Variants in IFT43 observed in about 807,000 individuals in gnomAD.
IFT43 encodes intraflagellar transport protein 43 homolog.
Under a neutral mutation model 32.3 loss-of-function variants are expected in IFT43, and 33 were observed. The ratio of observed to expected loss-of-function variants is 1.02; its 90% CI spans 0.77 to 1.37. IFT43 has a LOEUF of 1.37. IFT43 is among the 40% of genes most tolerant of loss of function. The pLI is 0.00. For synonymous variants in IFT43, 93 were observed against 98.2 expected (o/e 0.95, Z 0.31); for missense variants, 274 against 265.9 (o/e 1.03, Z -0.21).
At chr14:76,026,695 G>A (rs1292894857) in intron 3 of IFT43, among the ~76,000 whole-genome samples, 4 of 152,110 alleles carry the variant, frequency 2.6e-5, no homozygotes, top group Non-Finnish European at 5.9e-5. Context: ...AAGACCTAGA[G>A]ACAGAAATAC....
intron 2 of IFT43, among the ~76,000 whole-genome samples, chr14:75,999,281 A>ATATTTTTT (rs1566699821): frequency 1.0e-4 from 4 of 39,064 alleles, no homozygotes; most frequent in South Asian, 9.4e-4. Flanking sequence ...ATGTATATAT[A>ATATTTTTT]TTTTTTTTTT....
At chr14:76,062,270 C>T (rs907897124) in intron 5 of IFT43, among the ~76,000 whole-genome samples, 1 of 151,912 alleles carries the variant, frequency 6.6e-6, no homozygotes, top group Non-Finnish European at 1.5e-5. Flanking sequence ...CAGGGTTTCA[C>T]CATGTTAGCC....
intron 2 of IFT43, among the ~76,000 whole-genome samples, chr14:76,004,037 A>C (rs137927525): frequency 6.6e-6 from 1 of 152,172 alleles, no homozygotes; most frequent in South Asian, 2.1e-4. Context: ...CGGCCTCCCA[A>C]AGTGCTGGGA....
intron 2 of IFT43, among the ~76,000 whole-genome samples, chr14:76,013,490 G>A (rs866761471): frequency 3.3e-5 from 5 of 152,206 alleles, no homozygotes; most frequent in South Asian, 2.1e-4. Flanking sequence ...CTAGGTGTGC[G>A]TCCTGTGTTT....
chr14:76,054,157 T>C (rs1896903937), intron 3 of IFT43, among the ~76,000 whole-genome samples: 1 of 152,214 alleles, frequency 6.6e-6, no homozygotes. Flanking sequence ...TGGAAGTTAC[T>C]ACCTCAGGGA....
chr14:76,005,095 TTC>T (rs1248853060), intron 2 of IFT43, among the ~76,000 whole-genome samples: 5 of 152,244 alleles, frequency 3.3e-5, no homozygotes. Context: ...CTATTTTTTC[TTC>T]TGACTATAGA....
intron 3 of IFT43, among the ~76,000 whole-genome samples, chr14:76,050,273 C>T (rs544798975): frequency 2.8e-4 from 42 of 152,312 alleles, no homozygotes; most frequent in Middle Eastern, 3.4e-3. Flanking sequence ...GGATTGTGAA[C>T]CTCAGTTTCC....
intron 2 of IFT43, among the ~76,000 whole-genome samples, chr14:76,016,995 G>T (rs552823240): frequency 2.0e-4 from 31 of 152,206 alleles, no homozygotes; most frequent in African/African-American, 7.2e-4. Flanking sequence ...TCTGCAAAGA[G>T]GGACAATTTC....
At chr14:76,044,138 CT>C (rs2036759673) in intron 3 of IFT43, among the ~76,000 whole-genome samples, 1 of 151,926 alleles carries the variant, frequency 6.6e-6, no homozygotes, top group South Asian at 2.1e-4. Flanking sequence ...TAACCTCCAC[CT>C]TCCGCCCTAT....
intron 3 of IFT43, among the ~76,000 whole-genome samples, chr14:76,024,337 T>A (rs1429240307): frequency 1.3e-5 from 2 of 152,224 alleles, no homozygotes; most frequent in African/African-American, 4.8e-5. Flanking sequence ...CTGGCAGAAT[T>A]TTCATGCTAA....
chr14:76,082,609 T>A lies in IFT43; in HGVS notation c.369-8T>A. 3.1e-6 allele frequency: 5 copies of A among 1,614,150 alleles called. No individual in the cohort carries two copies. The highest frequency in any genetic ancestry group is 4.2e-6 in the Non-Finnish European group (5 of 1,180,032). ...GGGTTCCCGCCTCTCGCTCTCTCTT[T>A]CCTTCAGCATCCAGATAAAGCGGGT... On this transcript the variant is annotated splice_region_variant and splice_polypyrimidine_tract_variant and intron_variant, in intron 6 of 8. Transcript: ENST00000314067.
chr14:76,025,991 C>G (rs1454668549), intron 3 of IFT43, among the ~76,000 whole-genome samples: 1 of 152,178 alleles, frequency 6.6e-6, no homozygotes, highest in East Asian at 1.9e-4. Flanking sequence ...GCAAAGGAAA[C>G]TGTCAACAGA....
intron 2 of IFT43, among the ~76,000 whole-genome samples, chr14:76,000,564 G>A (rs942528171): frequency 6.6e-6 from 1 of 152,016 alleles, no homozygotes; most frequent in Non-Finnish European, 1.5e-5. Flanking sequence ...GAGCCACTGC[G>A]TGTGGCCATA....
chr14:76,036,073 A>G (rs182294246), intron 3 of IFT43, among the ~76,000 whole-genome samples: 80 of 152,326 alleles, frequency 5.3e-4, no homozygotes, highest in Non-Finnish European at 7.2e-4. Context: ...ATAATAAATA[A>G]TGCAATTGAT....
chr14:76,023,529 C>T (rs928414356), intron 3 of IFT43, among the ~76,000 whole-genome samples: 2 of 152,140 alleles, frequency 1.3e-5, no homozygotes, highest in East Asian at 1.9e-4. Flanking sequence ...TAAATGAATT[C>T]GTATGTGTAA....
chr14:76,084,037 C>T (rs771138650), downstream of IFT43: 2 of 452,198 alleles, frequency 4.4e-6, no homozygotes, highest in Admixed American at 4.7e-5. Flanking sequence ...GGCTTCCAGG[C>T]AGCTGCAGCG....
At chr14:76,067,343 A>G (rs1314338895) in intron 5 of IFT43, among the ~76,000 whole-genome samples, 2 of 152,154 alleles carry the variant, frequency 1.3e-5, no homozygotes, top group African/African-American at 2.4e-5. Context: ...AGGTGGGTGG[A>G]TCACCTGAGG....
chr14:75,996,042 C>T (rs1418862307), intron 2 of IFT43, among the ~76,000 whole-genome samples: 1 of 152,210 alleles, frequency 6.6e-6, no homozygotes, highest in Non-Finnish European at 1.5e-5. Flanking sequence ...CTGGCTTTGT[C>T]AAATGCTCTT....
chr14:76,079,975 AT>A (rs2037479810), intron 5 of IFT43, among the ~76,000 whole-genome samples: 1 of 152,104 alleles, frequency 6.6e-6, no homozygotes, highest in African/African-American at 2.4e-5. Flanking sequence ...GAAAAAAAAA[AT>A]TCCCCAGAAC....
Sources: allele counts gnomAD v4.1 joint callset (sites outside exome capture counted in the v4.1 genomes callset), GRCh38; gene constraint gnomAD v4.1.1; transcripts MANE v1.5; gene names NCBI Gene and HGNC (gene_info 2026-07-23, HGNC 2026-07-21).